TJP1: variants seen among roughly 807,000 people sequenced by gnomAD.
TJP1 encodes the protein tight junction protein 1, also known as tight junction protein ZO-1.
In TJP1, 43 loss-of-function variants were observed where a neutral mutation model predicts 194.2. The observed-to-expected ratio is 0.22, with a 90% CI of 0.17 to 0.29. The LOEUF (loss-of-function observed/expected upper bound fraction) is 0.29. Ranked by LOEUF, TJP1 falls within the 10% of genes least tolerant of loss-of-function variation. The pLI is 1.00. For missense variants in TJP1, 1,971 were observed against 2,185.7 expected (o/e 0.90, Z 1.96); for synonymous variants, 801 against 779.0 (o/e 1.03, Z -0.47).
chr15:29,872,994 C>T (rs534038247), intron 2 of TJP1, among the ~76,000 whole-genome samples: 2 of 152,324 alleles, frequency 1.3e-5, no homozygotes, highest in East Asian at 1.9e-4. Flanking sequence ...CACATGTGCA[C>T]GCACCATTCA....
At position 29,816,038 on chromosome 15, in the gene TJP1, TCTCA is replaced by T. The variant is rs2049894012; in HGVS notation, c.27+5960_27+5963del. Among the ~76,000 whole-genome samples, 7 of 151,370 alleles carry T rather than the reference TCTCA, an allele frequency of 4.6e-5. No individual in the cohort carries two copies. The South Asian group carries it at 1.5e-3, about 32-fold the overall frequency. On this transcript the variant is annotated intron_variant, in intron 1 of 27. Coordinates refer to ENST00000614355, the MANE Select transcript of TJP1 (RefSeq NM_001330239.4). ...TTCCTTTTTTTTTTTTGAGACAGAC[TCTCA>T]CTCTGTTGCCCAGGCAGGAGTGCAG... is the stretch of plus-strand genomic sequence containing the variant.
At chr15:29,871,795 A>T (rs1267576422) in intron 2 of TJP1, among the ~76,000 whole-genome samples, 2 of 152,252 alleles carry the variant, frequency 1.3e-5, no homozygotes, top group Non-Finnish European at 2.9e-5. Context: ...AACAATCCAC[A>T]AAGTTTCTTG....
At chr15:29,843,841 TG>T (rs953409920) in intron 2 of TJP1, among the ~76,000 whole-genome samples, 2 of 152,060 alleles carry the variant, frequency 1.3e-5, no homozygotes, top group African/African-American at 4.8e-5. Flanking sequence ...GTGTGTGGGC[TG>T]GAAGAGGCCA....
At chr15:29,857,347 G>GA (rs532071870) in intron 2 of TJP1, among the ~76,000 whole-genome samples, 248 of 144,298 alleles carry the variant, frequency 1.7e-3, no homozygotes, top group Middle Eastern at 7.1e-3. Context: ...TTCCTGTTTA[G>GA]AAAAAAAAAA....
intron 2 of TJP1, among the ~76,000 whole-genome samples, chr15:29,798,395 T>C (rs1299950832): frequency 2.0e-5 from 3 of 152,190 alleles, no homozygotes; most frequent in Non-Finnish European, 2.9e-5. Context: ...ATTTGCGTTA[T>C]ACTTACCAGT....
intron 1 of TJP1, among the ~76,000 whole-genome samples, chr15:29,813,402 A>C (rs1005911117): frequency 6.6e-6 from 1 of 152,198 alleles, no homozygotes; most frequent in African/African-American, 2.4e-5. Flanking sequence ...AAAAAGCCAC[A>C]GAAGTCTAAC....
At chr15:29,833,837 A>G (rs573066017) in intron 2 of TJP1, among the ~76,000 whole-genome samples, 1 of 124,854 alleles carries the variant, frequency 8.0e-6, no homozygotes, top group Non-Finnish European at 1.7e-5. Context: ...ATTTTTAAAG[A>G]TGCAATATAA....
In TJP1 at chr15:29,949,124, A is replaced by T. The variant is rs1316763866; in HGVS notation, c.306+7108T>A. 9.6e-5 allele frequency among the ~76,000 whole-genome samples: 14 copies of T among 146,162 alleles called. 1 individual carries two copies. The East Asian group carries it at 1.4e-3, about 15-fold the overall frequency. On this transcript the variant is annotated intron_variant, in intron 2 of 28. Transcript: ENST00000356107. ...CTCCACCACTTCCACCTCTACAACC[A>T]CCACCTCCACCTCCACCTTCACCAC... is the stretch of plus-strand genomic sequence containing the variant.
At chr15:29,860,789 T>C (rs1373893796) in intron 2 of TJP1, among the ~76,000 whole-genome samples, 1 of 152,220 alleles carries the variant, frequency 6.6e-6, no homozygotes, top group Non-Finnish European at 1.5e-5. Context: ...GTTTCTTAAA[T>C]GGAAGGTTTA....
At chr15:29,799,809 T>A (rs2048665690) in intron 2 of TJP1, among the ~76,000 whole-genome samples, 1 of 152,186 alleles carries the variant, frequency 6.6e-6, no homozygotes, top group East Asian at 1.9e-4. Flanking sequence ...TCCAGCAACA[T>A]GATTCTTTCC....
At chr15:29,769,330 T>C (rs2046509008) in intron 4 of TJP1, among the ~76,000 whole-genome samples, 2 of 152,218 alleles carry the variant, frequency 1.3e-5, no homozygotes, top group African/African-American at 2.4e-5. Context: ...ATTTAAGACC[T>C]GTTGAAAACT....
chr15:29,751,861 A>C (rs899831031), intron 8 of TJP1, among the ~76,000 whole-genome samples: 13 of 152,334 alleles, frequency 8.5e-5, no homozygotes, highest in Middle Eastern at 6.8e-3. Flanking sequence ...TAAATATTGT[A>C]CTTGTAGAAG....
chr15:29,709,676 A>G (rs2042118575), intron 24 of TJP1, among the ~76,000 whole-genome samples: 1 of 152,230 alleles, frequency 6.6e-6, no homozygotes, highest in African/African-American at 2.4e-5. Context: ...CAAACTCTGA[A>G]TATAGGGAAT....
chr15:29,763,303 A>G (rs969145698), intron 5 of TJP1, among the ~76,000 whole-genome samples: 1 of 152,230 alleles, frequency 6.6e-6, no homozygotes, highest in African/African-American at 2.4e-5. Context: ...TTTAAGAAAA[A>G]TAAGAACAAT....
intron 2 of TJP1, among the ~76,000 whole-genome samples, chr15:29,932,242 T>C (rs543982240): frequency 5.3e-5 from 8 of 152,210 alleles, no homozygotes; most frequent in African/African-American, 1.9e-4. Context: ...CTTTCAAGAT[T>C]TGTTATACAA....
intron 1 of TJP1, among the ~76,000 whole-genome samples, chr15:29,821,793 C>T (rs1231996643): frequency 1.3e-5 from 2 of 148,500 alleles, no homozygotes; most frequent in Non-Finnish European, 1.5e-5. Flanking sequence ...CCTCCCCGGC[C>T]GCCCCCAGTG....
At chr15:29,822,563 C>T, upstream of TJP1, 1 of 666,712 alleles carries the variant, frequency 1.5e-6, no homozygotes, top group Non-Finnish European at 1.9e-6. Context: ...GGGGCGGGGC[C>T]GCGGCGGGGG....
chr15:29,749,323 C>A (rs978007097), intron 8 of TJP1, among the ~76,000 whole-genome samples: 2 of 152,140 alleles, frequency 1.3e-5, no homozygotes, highest in Admixed American at 6.5e-5. Context: ...TTAAGCAGAG[C>A]CTACTTTAGG....
In TJP1 at chr15:29,708,754, A is replaced by T; in HGVS notation, c.4655T>A (p.Leu1552His). The T allele has an allele frequency of 6.2e-7, 1 of 1,614,234 alleles. No individual in the cohort carries two copies. The highest frequency in any genetic ancestry group is 1.6e-4 in the Middle Eastern group (1 of 6,062). ...TTTATGTGCAGTTTCACTTGGCAGA[A>T]GATTGTGATTGAATTTAGGACTTTC... ...KFESPKFNHN[L>H]LPSETAHKPD... The change falls in exon 25 of 28, where the codon CTT becomes CAT. Residue 1552 changes from leucine to histidine, a missense_variant. Coordinates refer to ENST00000614355, the MANE Select transcript of TJP1 (RefSeq NM_001330239.4).
Sources: allele counts gnomAD v4.1 joint callset (sites outside exome capture counted in the v4.1 genomes callset), GRCh38; gene constraint gnomAD v4.1.1; transcripts MANE v1.5; gene names NCBI Gene and HGNC (gene_info 2026-07-23, HGNC 2026-07-21).